MTUS1: variants seen among roughly 807,000 people sequenced by gnomAD.
MTUS1 encodes the protein microtubule-associated tumor suppressor 1.
MTUS1 carries 109 observed loss-of-function variants against 120.8 expected under a neutral mutation model. That is an observed-to-expected ratio of 0.90 (90% CI 0.77 to 1.06). The LOEUF (loss-of-function observed/expected upper bound fraction) is 1.06, where lower values mean the gene tolerates loss of function less well. MTUS1 is among the 50% of genes least tolerant of loss of function. The pLI is 0.00. For synonymous variants in MTUS1, 737 were observed against 550.5 expected, an observed-to-expected ratio of 1.34 and a Z score of -4.74; for missense variants, 2,210 against 1,486.3, an observed-to-expected ratio of 1.49 and a Z score of -8.01.
rs145456163 is a variant in MTUS1, at chr8:17,727,056, A to T, written c.2288-3223T>A. On this transcript the variant is annotated intron_variant, in intron 3 of 14. Coordinates refer to ENST00000693296, the MANE Select transcript of MTUS1 (RefSeq NM_001363059.2). ...GGAAAGCTTACCCCGGCAACCAAAT[A>T]TCATTTCCCTGACCTCCCCTATCTC... 9.9e-3 allele frequency among the ~76,000 whole-genome samples: 1,501 copies of T among 152,212 alleles called. 20 individuals are homozygous for T. Among genetic ancestry groups the T allele is most frequent in the African/African-American group, 0.035 (1,444 of 41,526 alleles).
At chr8:17,701,692 C>T (rs531021366) in intron 6 of MTUS1, among the ~76,000 whole-genome samples, 12 of 152,098 alleles carry the variant, frequency 7.9e-5, no homozygotes, top group South Asian at 6.2e-4. Flanking sequence ...GGACTACAGG[C>T]GCCCGCCACC....
intron 3 of MTUS1, among the ~76,000 whole-genome samples, chr8:17,727,195 C>G (rs545967246): frequency 1.3e-5 from 2 of 152,268 alleles, no homozygotes; most frequent in African/African-American, 2.4e-5. Flanking sequence ...TAATGAATGC[C>G]GATTTCACCA....
chr8:17,682,190 G>A (rs10113036), intron 7 of MTUS1, among the ~76,000 whole-genome samples: 70,877 of 151,650 alleles, frequency 0.47, 17,171 homozygotes, highest in African/African-American at 0.59. Context: ...TTATAGGTGA[G>A]AAACAGTACA....
Position 17,654,604 on chromosome 8 carries a change from C to G in MTUS1, c.3171G>C (p.Glu1057Asp), listed in dbSNP as rs940262438. Reference protein sequence around the residue: ...SKLEIEASHSEKLELLKKAYE... With the variant: ...SKLEIEASHSDKLELLKKAYE... ...AGGCCTTCTTTAGCAATTCAAGTTT[C>G]TCTGAGTGGCTAGCTTCAATTTCCA... The change falls in exon 10 of 15, where the codon GAG (glutamate) becomes GAC (aspartate). Residue 1057 changes from glutamate (E) to aspartate (D), a missense_variant. By Grantham distance (45) the Glu-to-Asp change is conservative. Coordinates refer to ENST00000693296, the MANE Select transcript of MTUS1 (RefSeq NM_001363059.2). 1.2e-6 allele frequency: 2 copies of G among 1,614,152 alleles called. No individual in the cohort carries two copies. Among genetic ancestry groups the G allele is most frequent in the Non-Finnish European group, 1.7e-6 (2 of 1,179,958 alleles).
intron 7 of MTUS1, among the ~76,000 whole-genome samples, chr8:17,683,753 C>T (rs1386826630): frequency 2.0e-5 from 3 of 152,124 alleles, no homozygotes; most frequent in Admixed American, 6.5e-5. Context: ...ACTTGGTTTT[C>T]TCAATGAATT....
At chr8:17,759,864 T>G (rs1391624329) in intron 1 of MTUS1, among the ~76,000 whole-genome samples, 2 of 151,758 alleles carry the variant, frequency 1.3e-5, no homozygotes, top group African/African-American at 4.8e-5. Flanking sequence ...CATCAACCAT[T>G]TAACTTTCAC....
chr8:17,647,234 A>G (rs1806008471), intron 13 of MTUS1, 155 bp from the exon 14 acceptor site: 1 of 588,418 alleles, frequency 1.7e-6, no homozygotes, highest in Non-Finnish European at 2.9e-6. Context: ...ACATACTGAA[A>G]AAGATTTTAA....
rs1251933619 is a variant in MTUS1 at position 17,645,014 on chromosome 8, G to C, written c.*912C>G. 1 of 152,134 alleles carries C rather than the reference G, an allele frequency of 6.6e-6. No individual in the cohort carries two copies. Among genetic ancestry groups the C allele is most frequent in the Non-Finnish European group, 1.5e-5 (1 of 67,968 alleles). The allele number at this position is 152,134 out of a possible 1,614,324, so 9.4% of individuals were successfully genotyped here. A position where few individuals can be genotyped will look rare whatever the true frequency, so the allele number is the denominator to read the frequency against. ...AAGGGTAGATCAAAGGTAAAAATAA[G>C]GTGGAAAAACCCATTGGTACTTCCC... On this transcript the variant is annotated 3_prime_UTR_variant, in exon 15 of 15. Coordinates refer to ENST00000693296, the MANE Select transcript of MTUS1 (RefSeq NM_001363059.2).
At chr8:17,779,362 G>A (rs1436078664) in intron 1 of MTUS1, among the ~76,000 whole-genome samples, 1 of 152,172 alleles carries the variant, frequency 6.6e-6, no homozygotes, top group African/African-American at 2.4e-5. Context: ...GACCATCAAG[G>A]AGTACGTTCC....
chr8:17,765,233 G>T (rs985779654), intron 1 of MTUS1, among the ~76,000 whole-genome samples: 9 of 152,166 alleles, frequency 5.9e-5, no homozygotes, highest in African/African-American at 2.2e-4. Context: ...GAACACAGAC[G>T]AAGCTTTGCC....
chr8:17,782,143 A>G (rs2050918437), intron 1 of MTUS1, among the ~76,000 whole-genome samples: 1 of 152,092 alleles, frequency 6.6e-6, no homozygotes, highest in Admixed American at 6.5e-5. Context: ...ATTTCAAACA[A>G]CTCAATGATG....
At chr8:17,799,018 T>A (rs2052473326) in intron 1 of MTUS1, among the ~76,000 whole-genome samples, 1 of 9,222 alleles carries the variant, frequency 1.1e-4, no homozygotes, top group South Asian at 1.0e-3. Flanking sequence ...CTGGGAAGAA[T>A]TTTTTTTTTT....
At chr8:17,747,419 C>T (rs1372624515) in intron 2 of MTUS1, among the ~76,000 whole-genome samples, 1 of 152,118 alleles carries the variant, frequency 6.6e-6, no homozygotes, top group Non-Finnish European at 1.5e-5. Context: ...TACTCACACT[C>T]CCAACTTAGC....
intron 6 of MTUS1, among the ~76,000 whole-genome samples, chr8:17,712,032 C>T (rs929506716): frequency 1.3e-5 from 2 of 151,962 alleles, no homozygotes; most frequent in African/African-American, 4.8e-5. Context: ...GATCACTGAT[C>T]GCAGATCACC....
chr8:17,695,486 CAG>C lies in MTUS1; in HGVS notation c.2624-10946_2624-10945del, dbSNP rs1269088958. Among the ~76,000 whole-genome samples, 9 of 152,252 alleles carry C rather than the reference CAG, an allele frequency of 5.9e-5. No individual in the cohort carries two copies. In the South Asian group the frequency reaches 1.9e-3, roughly 32 times the overall value. On this transcript the variant is annotated intron_variant, in intron 6 of 14. Coordinates refer to ENST00000693296, the MANE Select transcript of MTUS1 (RefSeq NM_001363059.2). ...TCAAAAAATTATGACTGCAAATAAA[CAG>C]AAAATAGTTTTACGTAAGTTTAGAA... is the stretch of plus-strand genomic sequence containing the variant.
At chr8:17,745,928 C>T (rs2047708988) in intron 2 of MTUS1, among the ~76,000 whole-genome samples, 1 of 152,234 alleles carries the variant, frequency 6.6e-6, no homozygotes, top group African/African-American at 2.4e-5. Context: ...CAGACTTCCC[C>T]CTTGCTGTTC....
At chr8:17,702,175 T>C (rs1175192770) in intron 6 of MTUS1, among the ~76,000 whole-genome samples, 2 of 152,256 alleles carry the variant, frequency 1.3e-5, no homozygotes, top group East Asian at 1.9e-4. Flanking sequence ...GTTTGCTCTC[T>C]GCTACAGCTG....
At chr8:17,724,260 A>C (rs1234539807) in intron 3 of MTUS1, 1 of 299,366 alleles carries the variant, frequency 3.3e-6, no homozygotes, top group African/African-American at 2.3e-5. Context: ...TAAGAAATAA[A>C]TAAGAACCAA....
chr8:17,649,565 G>A (rs1382898555), intron 13 of MTUS1, among the ~76,000 whole-genome samples: 11 of 152,162 alleles, frequency 7.2e-5, no homozygotes, highest in African/African-American at 2.2e-4. Flanking sequence ...TTATGCAGGT[G>A]AAGATCCAAA....
Sources: gnomAD v4.1 joint callset for allele counts (sites outside exome capture counted in the v4.1 genomes callset) on GRCh38, gnomAD v4.1.1 for gene constraint, MANE v1.5 for transcripts, NCBI Gene and HGNC (gene_info 2026-07-23, HGNC 2026-07-21) for gene names.